Variants in STOX1 observed in about 807,000 individuals in gnomAD.
STOX1 encodes storkhead box 1, also known as storkhead-box protein 1.
A neutral mutation model predicts 74.8 loss-of-function variants in STOX1; 57 were observed. The ratio of observed to expected loss-of-function variants is 0.76; its 90% CI spans 0.62 to 0.95. STOX1 has a LOEUF of 0.95. Among genes scored for constraint, STOX1 ranks in the 40% least tolerant of loss-of-function variants. The pLI is 0.00. For missense variants in STOX1, 1,010 were observed against 1,117.0 expected, an observed-to-expected ratio of 0.90 and a Z score of 1.37; for synonymous variants, 375 against 401.3, an observed-to-expected ratio of 0.93 and a Z score of 0.78.
intron 1 of STOX1, among the ~76,000 whole-genome samples, chr10:68,866,032 A>C (rs1304808144): frequency 1.3e-5 from 2 of 151,852 alleles, no homozygotes; most frequent in African/African-American, 4.8e-5. Flanking sequence ...AAACCTTGCA[A>C]ATTTTTTCCT....
chr10:68,829,976 T>C (rs971152647), intron 1 of STOX1, among the ~76,000 whole-genome samples: 8 of 151,936 alleles, frequency 5.3e-5, no homozygotes, highest in Non-Finnish European at 1.2e-4. Flanking sequence ...TTTCAAAGGG[T>C]GAGCACAGAG....
At chr10:68,855,208 T>C (rs1840091445) in intron 1 of STOX1, among the ~76,000 whole-genome samples, 1 of 144,674 alleles carries the variant, frequency 6.9e-6, no homozygotes, top group African/African-American at 2.6e-5. Flanking sequence ...GCAACCTCCG[T>C]CTCCTGGGTT....
intron 1 of STOX1, among the ~76,000 whole-genome samples, chr10:68,843,426 A>G (rs1321486478): frequency 2.0e-5 from 3 of 152,210 alleles, no homozygotes; most frequent in African/African-American, 4.8e-5. Context: ...CCAGGTGTGA[A>G]TTGGAGGGCT....
rs1185911507 is a variant in STOX1, at chr10:68,833,080, G to GTTTTTTTT, written c.310+5163_310+5170dup. 1.1e-4 allele frequency among the ~76,000 whole-genome samples: 11 copies of GTTTTTTTT among 104,620 alleles called. 1 individual carries two copies. Among genetic ancestry groups the GTTTTTTTT allele is most frequent in the African/African-American group, 4.5e-4 (11 of 24,194 alleles). 68.6% of individuals were successfully genotyped at this position (104,620 alleles called of 152,430 possible). A position where few individuals can be genotyped will look rare whatever the true frequency, so the allele number is the denominator to read the frequency against. ...CCACCTTGCCTAGCCACTTCTGTGG[G>GTTTTTTTT]TTTTTTTTTTTTTTTTTTTTTTTGA... On this transcript the variant is annotated intron_variant, in intron 1 of 3. Coordinates refer to ENST00000298596, the MANE Select transcript of STOX1 (RefSeq NM_152709.5).
At chr10:68,882,795 C>T (rs1040442082) in intron 2 of STOX1, among the ~76,000 whole-genome samples, 4 of 152,232 alleles carry the variant, frequency 2.6e-5, no homozygotes, top group Non-Finnish European at 5.9e-5. Flanking sequence ...CCATGCCCGG[C>T]ATAAATTGGA....
intron 2 of STOX1, among the ~76,000 whole-genome samples, chr10:68,883,231 A>C (rs1840853745): frequency 6.6e-6 from 1 of 152,086 alleles, no homozygotes; most frequent in Admixed American, 6.6e-5. Context: ...ACAAAAAAAA[A>C]AAAAAAAAAT....
At chr10:68,887,621 A>T (rs1840995155) in intron 3 of STOX1, among the ~76,000 whole-genome samples, 1 of 113,548 alleles carries the variant, frequency 8.8e-6, no homozygotes. Context: ...TTTGAGGCAG[A>T]GTTTTGCTGT....
intron 1 of STOX1, among the ~76,000 whole-genome samples, chr10:68,849,901 A>T (rs903482719): frequency 3.9e-5 from 6 of 152,186 alleles, no homozygotes; most frequent in Non-Finnish European, 5.9e-5. Flanking sequence ...CACAACCCTA[A>T]GAAAGATACG....
intron 1 of STOX1, among the ~76,000 whole-genome samples, chr10:68,851,787 ACT>A (rs1839991784): frequency 6.6e-6 from 1 of 151,730 alleles, no homozygotes; most frequent in African/African-American, 2.4e-5. Flanking sequence ...GTTGTAGTGA[ACT>A]GAGATTGCAC....
chr10:68,831,102 C>G (rs1374647382), intron 1 of STOX1, among the ~76,000 whole-genome samples: 6 of 152,156 alleles, frequency 3.9e-5, no homozygotes, highest in Admixed American at 3.3e-4. Flanking sequence ...TTGCTCCATT[C>G]TCACTGTTAT....
chr10:68,856,789 C>T (rs530659767), intron 1 of STOX1, among the ~76,000 whole-genome samples: 2 of 152,232 alleles, frequency 1.3e-5, no homozygotes, highest in East Asian at 3.9e-4. Context: ...TTCTCTCGTT[C>T]CACCTAAAGC....
rs1840945483 is a variant in STOX1 at position 68,886,069 on chromosome 10, A to T, written c.2273A>T (p.Tyr758Phe). 1 of 1,614,248 alleles carries T rather than the reference A, an allele frequency of 6.2e-7. No individual in the cohort carries two copies. Among genetic ancestry groups the T allele is most frequent in the African/African-American group, 1.3e-5 (1 of 75,062 alleles). The stretch of plus-strand genomic sequence containing the variant: ...CAAATGCTGCCTGGCCACAGTCAGT[A>T]TTCCTTCACAGGTGGAAGCCAGGGA... ...LRQMLPGHSQ[Y>F]SFTGGSQGNH... Residue 758 changes from tyrosine (Y) to phenylalanine (F), a missense_variant, in exon 3 of 4, where the codon TAT becomes TTT. Transcript: ENST00000298596.
chr10:68,882,985 C>T (rs575135946), intron 2 of STOX1, among the ~76,000 whole-genome samples: 15 of 152,280 alleles, frequency 9.9e-5, no homozygotes, highest in South Asian at 2.1e-4. Flanking sequence ...GCCTCAAACT[C>T]GTGGGTTGAA....
intron 1 of STOX1, among the ~76,000 whole-genome samples, chr10:68,866,901 T>C (rs1171513344): frequency 6.6e-6 from 1 of 151,958 alleles, no homozygotes; most frequent in Non-Finnish European, 1.5e-5. Flanking sequence ...GGTTTCCGTC[T>C]TTATCAAATT....
chr10:68,855,744 T>TA (rs1392847714), intron 1 of STOX1, among the ~76,000 whole-genome samples: 2 of 147,210 alleles, frequency 1.4e-5, no homozygotes, highest in East Asian at 4.0e-4. Flanking sequence ...TGCACCTGGC[T>TA]AAAAAAAGGA....
At chr10:68,846,529 T>C (rs1228744393) in intron 1 of STOX1, among the ~76,000 whole-genome samples, 2 of 152,202 alleles carry the variant, frequency 1.3e-5, no homozygotes, top group African/African-American at 4.8e-5. Flanking sequence ...CCTTTCTCCA[T>C]TGGATAACCC....
At position 68,885,076 on chromosome 10, in the gene STOX1, A is replaced by G. The variant is rs1433738988; in HGVS notation, c.1280A>G (p.His427Arg). 2.5e-6 allele frequency: 4 copies of G among 1,613,976 alleles called. No individual in the cohort carries two copies. The highest frequency in any genetic ancestry group is 1.3e-5 in the African/African-American group (1 of 75,032). The change falls in exon 3 of 4, where the codon CAT (histidine) becomes CGT (arginine). Residue 427 changes from histidine to arginine, a missense_variant. By Grantham distance (29) the His-to-Arg change is conservative. Coordinates refer to ENST00000298596, the MANE Select transcript of STOX1 (RefSeq NM_152709.5). ...TCTGCAAAACCTCAAGGGCAGGGCC[A>G]TTCTCGAAGGGATAGACACAAAGCC... is the stretch of plus-strand genomic sequence containing the variant. Reference protein sequence around the residue: ...GLSAKPQGQGHSRRDRHKARN... With the variant: ...GLSAKPQGQGRSRRDRHKARN...
At chr10:68,838,117 A>G (rs1398200549) in intron 1 of STOX1, among the ~76,000 whole-genome samples, 2 of 144,670 alleles carry the variant, frequency 1.4e-5, no homozygotes, top group South Asian at 2.1e-4. Context: ...CCCAGGCTGG[A>G]GTGTCGTGGT....
At chr10:68,892,363 A>G (rs934728023) in intron 3 of STOX1, among the ~76,000 whole-genome samples, 1 of 151,820 alleles carries the variant, frequency 6.6e-6, no homozygotes, top group Non-Finnish European at 1.5e-5. Context: ...TGTTTTTCAG[A>G]AAATATAAAC....
Sources: gnomAD v4.1 joint callset for allele counts (sites outside exome capture counted in the v4.1 genomes callset) on GRCh38, gnomAD v4.1.1 for gene constraint, MANE v1.5 for transcripts, NCBI Gene and HGNC (gene_info 2026-07-23, HGNC 2026-07-21) for gene names.